Variants in PIK3C2G observed in about 807,000 individuals in gnomAD.
PIK3C2G encodes the protein phosphatidylinositol 3-kinase C2 domain-containing subunit gamma.
A neutral mutation model predicts 181.1 loss-of-function variants in PIK3C2G; 168 were observed. The observed-to-expected ratio is 0.93, with a 90% CI of 0.82 to 1.05. The LOEUF (loss-of-function observed/expected upper bound fraction) is 1.05, where lower values mean the gene tolerates loss of function less well. Ranked by LOEUF, PIK3C2G falls within the 50% of genes least tolerant of loss-of-function variation. The pLI is 0.00. For synonymous variants in PIK3C2G, 573 were observed against 592.2 expected (o/e 0.97, Z 0.47); for missense variants, 1,869 against 1,732.8 (o/e 1.08, Z -1.40).
At chr12:18,450,424 CTGT>C (rs1947284524) in intron 18 of PIK3C2G, among the ~76,000 whole-genome samples, 1 of 152,034 alleles carries the variant, frequency 6.6e-6, no homozygotes. Context: ...CCAGTCCTGC[CTGT>C]TGTTTGCTTT....
At chr12:18,411,157 A>C (rs1944849556) in intron 16 of PIK3C2G, among the ~76,000 whole-genome samples, 1 of 152,180 alleles carries the variant, frequency 6.6e-6, no homozygotes, top group Non-Finnish European at 1.5e-5. Flanking sequence ...TGATCCATTT[A>C]GAATGCAATA....
the PIK3C2G span, among the ~76,000 whole-genome samples, chr12:18,690,327 G>A: frequency 2.0e-4 from 30 of 152,036 alleles, no homozygotes; most frequent in East Asian, 5.8e-4. Context: ...GGATTCAAGC[G>A]ATTCTTCTGC....
At chr12:18,511,588 A>G (rs1942210110) in intron 24 of PIK3C2G, among the ~76,000 whole-genome samples, 1 of 151,960 alleles carries the variant, frequency 6.6e-6, no homozygotes. Context: ...CTAACAGTTT[A>G]TGTACTTATT....
chr12:18,249,181 TAAGGTGACTGA>T (rs1948071784), intron 1 of PIK3C2G, among the ~76,000 whole-genome samples: 1 of 152,182 alleles, frequency 6.6e-6, no homozygotes, highest in Admixed American at 6.5e-5. Flanking sequence ...AAGATGTTTC[TAAGGTGACTGA>T]TATTTTAAGA....
At chr12:18,716,120 A>G in the PIK3C2G span, among the ~76,000 whole-genome samples, 15 of 152,308 alleles carry the variant, frequency 9.8e-5, no homozygotes, top group East Asian at 2.7e-3. Flanking sequence ...CTTAATTTCT[A>G]TGGAAGAATG....
At chr12:18,296,612 C>CTT in intron 5 of PIK3C2G, among the ~76,000 whole-genome samples, 1 of 152,120 alleles carries the variant, frequency 6.6e-6, no homozygotes, top group South Asian at 2.1e-4. Context: ...CAAAATTTCC[C>CTT]TTTTCATATA....
At chr12:18,636,924 T>C (rs530224967) in intron 31 of PIK3C2G, among the ~76,000 whole-genome samples, 1 of 152,314 alleles carries the variant, frequency 6.6e-6, no homozygotes, top group East Asian at 1.9e-4. Flanking sequence ...GAAACCAATG[T>C]GAGGGCTCTG....
At chr12:18,537,286 C>A (rs1461531554) in intron 24 of PIK3C2G, among the ~76,000 whole-genome samples, 1 of 152,016 alleles carries the variant, frequency 6.6e-6, no homozygotes, top group Non-Finnish European at 1.5e-5. Flanking sequence ...TTTTAAATTG[C>A]TACTTGGTCT....
chr12:18,708,022 G>A, the PIK3C2G span, among the ~76,000 whole-genome samples: 2 of 152,136 alleles, frequency 1.3e-5, no homozygotes, highest in East Asian at 3.9e-4. Context: ...TGTAGCAAGA[G>A]CAGCTAAAAT....
downstream of PIK3C2G, among the ~76,000 whole-genome samples, chr12:18,650,331 CTA>C (rs371220581): frequency 3.5e-4 from 32 of 91,976 alleles, no homozygotes; most frequent in South Asian, 1.3e-3. Flanking sequence ...CTCTCTCTCT[CTA>C]TATATATATA....
At chr12:18,325,509 C>T (rs939367318) in intron 8 of PIK3C2G, among the ~76,000 whole-genome samples, 2 of 151,862 alleles carry the variant, frequency 1.3e-5, no homozygotes, top group Non-Finnish European at 2.9e-5. Context: ...GAGATCGAGA[C>T]CATCCTGGCC....
chr12:18,359,663 A>T (rs1405581326), intron 11 of PIK3C2G, among the ~76,000 whole-genome samples: 2 of 152,056 alleles, frequency 1.3e-5, no homozygotes, highest in Admixed American at 6.6e-5. Context: ...TAAAATTCTT[A>T]TATCTTCCTG....
chr12:18,372,367 T>C (rs905223320), intron 13 of PIK3C2G, among the ~76,000 whole-genome samples: 12 of 152,158 alleles, frequency 7.9e-5, no homozygotes, highest in African/African-American at 2.7e-4. Flanking sequence ...TACAAGTTTG[T>C]TTACTAAATT....
chr12:18,449,782 T>C lies in PIK3C2G; in HGVS notation c.2504+25743T>C, dbSNP rs139566512. Among the ~76,000 whole-genome samples the C allele has an allele frequency of 9.4e-3, 1,428 of 152,328 alleles. 24 individuals carry two copies. The highest frequency in any genetic ancestry group is 0.033 in the African/African-American group (1,380 of 41,572). On this transcript the variant is annotated intron_variant, in intron 18 of 32. Coordinates refer to ENST00000538779, the MANE Select transcript of PIK3C2G (RefSeq NM_001288772.2). ...AAATATACGTGTGCATGTGTCTTTA[T>C]AGCAGAGTGATTTGTATTCCTTTGG...
At chr12:18,513,009 G>A (rs144749108) in intron 24 of PIK3C2G, among the ~76,000 whole-genome samples, 2 of 151,848 alleles carry the variant, frequency 1.3e-5, no homozygotes, top group African/African-American at 4.8e-5. Flanking sequence ...ATGAAGGTAT[G>A]TTACATTTTG....
chr12:18,716,661 T>C, the PIK3C2G span, among the ~76,000 whole-genome samples: 1 of 152,338 alleles, frequency 6.6e-6, no homozygotes, highest in Admixed American at 6.5e-5. Flanking sequence ...CCTTCTAGAA[T>C]TTGTACAGAA....
At chr12:18,644,201 T>C (rs2136825351) in intron 32 of PIK3C2G, among the ~76,000 whole-genome samples, 1 of 152,160 alleles carries the variant, frequency 6.6e-6, no homozygotes. Flanking sequence ...AAAACCCCTG[T>C]CATGTACAAA....
intron 5 of PIK3C2G, among the ~76,000 whole-genome samples, chr12:18,310,391 A>G (rs1006617295): frequency 2.6e-5 from 4 of 151,868 alleles, no homozygotes; most frequent in African/African-American, 4.8e-5. Flanking sequence ...TATTTTTAAG[A>G]AATCTGTCTT....
intron 18 of PIK3C2G, among the ~76,000 whole-genome samples, chr12:18,426,420 A>T (rs1945820080): frequency 6.6e-6 from 1 of 152,164 alleles, no homozygotes; most frequent in South Asian, 2.1e-4. Flanking sequence ...TCCTGTTTTC[A>T]AAAAACGATT....
Sources: gnomAD v4.1 joint callset for allele counts (sites outside exome capture counted in the v4.1 genomes callset) on GRCh38, gnomAD v4.1.1 for gene constraint, MANE v1.5 for transcripts, NCBI Gene and HGNC (gene_info 2026-07-23, HGNC 2026-07-21) for gene names.